The following MYO15B variants were observed in gnomAD, a reference collection of about 807,000 sequenced individuals.
MYO15B encodes myosin XVB.
MYO15B carries 207 observed loss-of-function variants against 119.3 expected under a neutral mutation model. That is an observed-to-expected ratio of 1.73 (90% CI 1.55 to 1.95). MYO15B has a LOEUF of 1.95. Ranked by LOEUF, MYO15B falls within the 30% of genes most tolerant of loss-of-function variation. The pLI, the probability that MYO15B is intolerant of heterozygous loss-of-function variation, is 0.00. For synonymous variants in MYO15B, 966 were observed against 498.9 expected, an observed-to-expected ratio of 1.94 and a Z score of -12.48; for missense variants, 2,264 against 1,203.1, an observed-to-expected ratio of 1.88 and a Z score of -13.04.
chr17:75,607,566 T>G (rs1171672174), intron 21 of MYO15B, among the ~76,000 whole-genome samples: 1 of 151,908 alleles, frequency 6.6e-6, no homozygotes, highest in Non-Finnish European at 1.5e-5. Context: ...TTCTCCTGCC[T>G]CAGTCTCCTG....
At position 75,592,051 on chromosome 17, in the gene MYO15B, C is replaced by T. The variant is rs187414942; in HGVS notation, c.2622C>T (p.Phe874=). 25 of 702,866 alleles carry T rather than the reference C, an allele frequency of 3.6e-5. No homozygotes were observed. The highest frequency in any genetic ancestry group is 2.3e-4 in the Middle Eastern group (1 of 4,358). The allele number at this position is 702,866 out of a possible 1,614,324, so 43.5% of individuals were successfully genotyped here. A position where few individuals can be genotyped will look rare whatever the true frequency, so the allele number is the denominator to read the frequency against. Residue 874 remains phenylalanine, a synonymous_variant, in exon 6 of 64, where the codon TTC becomes TTT. Transcript: ENST00000645453. ...TCCTCAATGCCAATGCCAGCCGCTT[C>T]GGCCAGGTCTTCTGCCTCTACCTAC...
chr17:75,624,303 C>A (rs1435859022), intron 56 of MYO15B, 34 bp downstream of exon 56: 1 of 702,864 alleles, frequency 1.4e-6, no homozygotes, highest in African/African-American at 1.7e-5. Context: ...TTGTGGGACA[C>A]CCTGGGGTGG....
At chr17:75,603,840 C>T (rs1278011435) in intron 19 of MYO15B, among the ~76,000 whole-genome samples, 6 of 152,226 alleles carry the variant, frequency 3.9e-5, no homozygotes, top group Admixed American at 3.9e-4. Context: ...GTTTGCCTAT[C>T]TGGCCTTTGG....
intron 62 of MYO15B, 25 bp downstream of exon 62, chr17:75,626,002 C>A (rs971976200): frequency 1.4e-6 from 1 of 700,260 alleles, no homozygotes; most frequent in African/African-American, 1.7e-5. Context: ...TGCCTCAGCA[C>A]TGGCCTAGGG....
In MYO15B at chr17:75,602,932, G is replaced by T. The variant is rs757949733; in HGVS notation, c.3832G>T (p.Ala1278Ser). 6 of 690,838 alleles carry T rather than the reference G, an allele frequency of 8.7e-6. No homozygotes were observed. The South Asian group carries it at 9.2e-5, about 11-fold the overall frequency. 42.8% of individuals were successfully genotyped at this position (690,838 alleles called of 1,614,324 possible). Residue 1278 changes from alanine (A) to serine (S), a missense_variant, in exon 17 of 64, where the codon GCC becomes TCC. Ala to Ser is a moderately conservative substitution (Grantham distance 99). Coordinates refer to ENST00000645453, the Ensembl canonical transcript of MYO15B. Reference sequence around the variant, plus strand: ...CCAGCAGGCCCTGGAGGACCTCATAGCCCGGCTGGGCAGGTAAGAACAGCG... The same window carrying T: ...CCAGCAGGCCCTGGAGGACCTCATATCCCGGCTGGGCAGGTAAGAACAGCG...
chr17:75,624,236 G>A, exon 56 of MYO15B: 2 of 702,862 alleles, frequency 2.8e-6, no homozygotes, highest in East Asian at 2.7e-5. Flanking sequence ...GGCGCCGGCG[G>A]ATGCCCCCAC....
In MYO15B at chr17:75,603,814, C is replaced by T. The variant is rs116079993; in HGVS notation, c.4016+502C>T. 9.6e-3 allele frequency among the ~76,000 whole-genome samples: 1,469 copies of T among 152,370 alleles called. 21 individuals are homozygous for T. Among genetic ancestry groups the T allele is most frequent in the African/African-American group, 0.033 (1,358 of 41,582 alleles). On this transcript the variant is annotated intron_variant, in intron 19 of 63. Transcript: ENST00000645453. Reference sequence around the variant, plus strand: ...AGAAACCTCCAAGAAAAGCTGGTGGCATTGTCCGTTTTGTTGTTTGCCTAT... The same window carrying T: ...AGAAACCTCCAAGAAAAGCTGGTGGTATTGTCCGTTTTGTTGTTTGCCTAT...
At position 75,589,621 on chromosome 17, in the gene MYO15B, G is replaced by C; in HGVS notation, c.1564G>C (p.Val522Leu). 2.5e-6 allele frequency: 1 copy of C among 398,976 alleles called. No individual in the cohort carries two copies. Among genetic ancestry groups the C allele is most frequent in the East Asian group, 3.6e-5 (1 of 28,074 alleles). 24.7% of individuals were successfully genotyped at this position (398,976 alleles called of 1,614,324 possible). Residue 522 changes from valine (V) to leucine (L), a missense_variant, in exon 1 of 64, where the codon GTC becomes CTC. By Grantham distance (32) the Val-to-Leu change is conservative. Coordinates refer to ENST00000645453, the Ensembl canonical transcript of MYO15B. This position sits in a 1 kb window ranked among gnomAD's most constrained non-coding sequence, Gnocchi z 4.2. ...TTCCCCTGGTGGCCGCTCCCCGCAG[G>C]TCCCGACAAGCCCAGTCCCCGGCGA...
chr17:75,602,823 C>T lies in MYO15B; in HGVS notation c.3730-7C>T, dbSNP rs62089251. ...CGGCCAGCTGACTCAGCCCTTCACC[C>T]CCACAGCTGGTGGGCAGCCTGTTCC... On this transcript the variant is annotated splice_region_variant and splice_polypyrimidine_tract_variant and intron_variant, in intron 16 of 63. Coordinates refer to ENST00000645453, the Ensembl canonical transcript of MYO15B. The T allele has an allele frequency of 6.6e-5, 41 of 618,072 alleles. No homozygotes were observed. The highest frequency in any genetic ancestry group is 1.1e-4 in the Non-Finnish European group (39 of 345,668). 38.3% of individuals were successfully genotyped at this position (618,072 alleles called of 1,614,324 possible).
At chr17:75,605,807 G>A in intron 20 of MYO15B, 57 bp from the exon 21 acceptor site, 1 of 649,030 alleles carries the variant, frequency 1.5e-6, no homozygotes, top group Non-Finnish European at 2.8e-6. Flanking sequence ...ACCAGAGGAG[G>A]AGAGCAGGAG....
chr17:75,625,609 C>T (rs1023347749), exon 61 of MYO15B: 14 of 702,942 alleles, frequency 2.0e-5, no homozygotes, highest in African/African-American at 3.5e-5. Context: ...GGGTCAGGAG[C>T]TGAGACGGCT....
At chr17:75,612,931 T>G (rs550833574) in intron 26 of MYO15B, 38 bp downstream of exon 26, 1 of 692,502 alleles carries the variant, frequency 1.4e-6, no homozygotes, top group East Asian at 2.7e-5. Context: ...GATAGGCGCC[T>G]GGGAGCCCCG....
chr17:75,626,388 C>CA lies in MYO15B; in HGVS notation c.9214-18dup. ...GGCTGGCTGGGGAGCCCTCTTGTAA[C>CA]AGGCCTTTCTCTGGGCAGGCCCAGG... On this transcript the variant is annotated intron_variant, in intron 63 of 63. Coordinates refer to ENST00000645453, the Ensembl canonical transcript of MYO15B. 1 of 703,080 alleles carries CA rather than the reference C, an allele frequency of 1.4e-6. No individual in the cohort carries two copies. The highest frequency in any genetic ancestry group is 1.5e-5 in the South Asian group (1 of 67,604). 43.6% of individuals were successfully genotyped at this position (703,080 alleles called of 1,614,324 possible).
intron 19 of MYO15B, among the ~76,000 whole-genome samples, chr17:75,603,733 C>A (rs1435628021): frequency 4.3e-5 from 3 of 69,798 alleles, no homozygotes; most frequent in Non-Finnish European, 8.5e-5. Flanking sequence ...CGGGGAGGGG[C>A]GGGGTGGCAC....
chr17:75,620,131 TG>T (rs3840857), intron 47 of MYO15B, 111 bp downstream of exon 47: 292,899 of 680,240 alleles, frequency 0.43, 64,176 homozygotes, highest in East Asian at 0.56. Flanking sequence ...GCCAAATCCC[TG>T]GAAGTCTGGG....
At position 75,610,634 on chromosome 17, in the gene MYO15B, T is replaced by C. The variant is rs893186513; in HGVS notation, c.4387-266T>C. On this transcript the variant is annotated intron_variant, in intron 22 of 63. Transcript: ENST00000645453. ...TGCTACCCCCTCTCTGGCCCCTCCC[T>C]GGCTGGACTTTGTCCCCTGGGACCA... The C allele has an allele frequency of 5.4e-6, 3 of 557,750 alleles. No homozygotes were observed. In the African/African-American group the frequency reaches 5.6e-5, roughly 10 times the overall value. The allele number at this position is 557,750 out of a possible 1,614,324, so 34.6% of individuals were successfully genotyped here. A position where few individuals can be genotyped will look rare whatever the true frequency, so the allele number is the denominator to read the frequency against.
chr17:75,598,312 C>T (rs148507143), intron 14 of MYO15B, among the ~76,000 whole-genome samples: 4,885 of 150,768 alleles, frequency 0.032, 258 homozygotes, highest in African/African-American at 0.11. Context: ...GGCGCGGTGG[C>T]TCACGCCTGT....
chr17:75,622,526 A>G (rs1352431431), intron 53 of MYO15B, among the ~76,000 whole-genome samples: 5 of 152,208 alleles, frequency 3.3e-5, no homozygotes, highest in Non-Finnish European at 7.3e-5. Context: ...GGTCCAGGCC[A>G]CCACAGGCCT....
intron 43 of MYO15B, among the ~76,000 whole-genome samples, chr17:75,618,620 G>A (rs574967152): frequency 7.9e-5 from 12 of 152,330 alleles, no homozygotes; most frequent in Admixed American, 1.3e-4. Flanking sequence ...CTGCACTCCC[G>A]CCTGGGTGAC....
Sources: allele counts gnomAD v4.1 joint callset (sites outside exome capture counted in the v4.1 genomes callset), GRCh38; gene constraint gnomAD v4.1.1; non-coding constraint Gnocchi (gnomAD v3.1); transcripts MANE v1.5; gene names NCBI Gene and HGNC (gene_info 2026-07-23, HGNC 2026-07-21).